Variants in SLC30A8 observed in about 807,000 individuals in gnomAD.
SLC30A8 encodes the protein solute carrier family 30 member 8, also known as proton-coupled zinc antiporter SLC30A8.
SLC30A8 carries 27 observed loss-of-function variants against 36.9 expected under a neutral mutation model. That is an observed-to-expected ratio of 0.73 (90% CI 0.54 to 1.01). SLC30A8 has a LOEUF of 1.01. Among genes scored for constraint, SLC30A8 ranks in the 50% least tolerant of loss-of-function variants. The pLI, the probability that SLC30A8 is intolerant of heterozygous loss-of-function variation, is 0.00. For synonymous variants in SLC30A8, 164 were observed against 172.4 expected, an observed-to-expected ratio of 0.95 and a Z score of 0.38; for missense variants, 439 against 452.0, an observed-to-expected ratio of 0.97 and a Z score of 0.26.
At chr8:117,037,138 T>G (rs753541587) in intron 1 of SLC30A8, among the ~76,000 whole-genome samples, 1 of 152,198 alleles carries the variant, frequency 6.6e-6, no homozygotes, top group Non-Finnish European at 1.5e-5. Context: ...AAAAAATAGA[T>G]TCTTTTTTGG....
chr8:117,163,191 T>C (rs1822882324), intron 5 of SLC30A8, among the ~76,000 whole-genome samples: 1 of 152,228 alleles, frequency 6.6e-6, no homozygotes, highest in South Asian at 2.1e-4. Context: ...TCTTAAATTA[T>C]GGGGAGAGCA....
At chr8:117,169,706 A>T (rs1018263373) in intron 6 of SLC30A8, among the ~76,000 whole-genome samples, 12 of 152,078 alleles carry the variant, frequency 7.9e-5, no homozygotes, top group African/African-American at 2.9e-4. Context: ...AATAGCGGCA[A>T]AAGGCAAAGG....
chr8:117,112,118 T>C (rs1215238775), intron 2 of SLC30A8, among the ~76,000 whole-genome samples: 1 of 152,144 alleles, frequency 6.6e-6, no homozygotes, highest in Non-Finnish European at 1.5e-5. Context: ...CCCCATTTCT[T>C]GAAAAATTTA....
At chr8:117,061,782 C>T (rs1481148128) in intron 2 of SLC30A8, among the ~76,000 whole-genome samples, 1 of 152,114 alleles carries the variant, frequency 6.6e-6, no homozygotes, top group Non-Finnish European at 1.5e-5. Flanking sequence ...CAGCAAATGG[C>T]ATTTTACTTA....
intron 1 of SLC30A8, among the ~76,000 whole-genome samples, chr8:116,980,446 T>G (rs139542745): frequency 6.4e-4 from 97 of 152,282 alleles, no homozygotes; most frequent in Middle Eastern, 3.4e-3. Flanking sequence ...CAGGAAGTTC[T>G]GGAGCAGAAA....
At chr8:117,093,082 A>C (rs1472817114) in intron 2 of SLC30A8, among the ~76,000 whole-genome samples, 1 of 152,032 alleles carries the variant, frequency 6.6e-6, no homozygotes, top group Non-Finnish European at 1.5e-5. Context: ...AAGGTCTTAA[A>C]AAAGAACAGG....
intron 1 of SLC30A8, among the ~76,000 whole-genome samples, chr8:117,001,646 G>A (rs2130686460): frequency 6.6e-6 from 1 of 152,208 alleles, no homozygotes; most frequent in South Asian, 2.1e-4. Flanking sequence ...TTGAAACTGG[G>A]CTAAGATTGT....
intron 1 of SLC30A8, among the ~76,000 whole-genome samples, chr8:116,999,041 C>T (rs1484306126): frequency 6.6e-6 from 1 of 152,170 alleles, no homozygotes; most frequent in Non-Finnish European, 1.5e-5. Context: ...GGCAGATCAC[C>T]TGAAGTCAGG....
chr8:117,129,434 A>C (rs1273831624), intron 2 of SLC30A8, among the ~76,000 whole-genome samples: 1 of 152,104 alleles, frequency 6.6e-6, no homozygotes, highest in Non-Finnish European at 1.5e-5. Flanking sequence ...CATCATTTTA[A>C]TCATAGAATT....
chr8:117,014,112 C>T (rs931920887), intron 1 of SLC30A8, among the ~76,000 whole-genome samples: 4 of 152,118 alleles, frequency 2.6e-5, no homozygotes, highest in African/African-American at 9.7e-5. Flanking sequence ...AATGGCAAAA[C>T]CGCAATTACT....
chr8:117,012,724 TAC>T (rs376889831), intron 1 of SLC30A8, among the ~76,000 whole-genome samples: 6,478 of 126,284 alleles, frequency 0.051, 431 homozygotes, highest in African/African-American at 0.17. Context: ...GACATATGTA[TAC>T]ACACACACAC....
At chr8:117,064,491 C>T (rs1818109604) in intron 2 of SLC30A8, among the ~76,000 whole-genome samples, 2 of 152,098 alleles carry the variant, frequency 1.3e-5, no homozygotes, top group African/African-American at 2.4e-5. Flanking sequence ...ACAATTCTGC[C>T]TAGGGATCAA....
chr8:117,108,581 A>G (rs1414133833), intron 2 of SLC30A8, among the ~76,000 whole-genome samples: 1 of 152,176 alleles, frequency 6.6e-6, no homozygotes, highest in African/African-American at 2.4e-5. Context: ...AAGATGAGAA[A>G]ACCATCATTA....
chr8:117,171,254 C>G (rs866516982), intron 7 of SLC30A8, 86 bp downstream of exon 7: 1 of 1,405,782 alleles, frequency 7.1e-7, no homozygotes, highest in Non-Finnish European at 1.0e-6. Context: ...TAGAGCTGCC[C>G]TTATTGTCTG....
intron 3 of SLC30A8, among the ~76,000 whole-genome samples, chr8:117,156,794 G>A (rs1367605075): frequency 1.3e-5 from 2 of 151,996 alleles, no homozygotes; most frequent in African/African-American, 2.4e-5. Flanking sequence ...CGTTATGAAG[G>A]TTGTCTGTAA....
intron 2 of SLC30A8, among the ~76,000 whole-genome samples, chr8:117,067,191 C>T (rs185585048): frequency 3.3e-5 from 5 of 152,204 alleles, no homozygotes; most frequent in Admixed American, 6.5e-5. Flanking sequence ...TTACCTCCCA[C>T]CAGGTCCCTC....
intron 2 of SLC30A8, among the ~76,000 whole-genome samples, chr8:117,150,944 C>G (rs1563628681): frequency 6.6e-6 from 1 of 151,328 alleles, no homozygotes; most frequent in African/African-American, 2.5e-5. Context: ...ATGCCACAGC[C>G]TTGCCTCAAA....
intron 1 of SLC30A8, among the ~76,000 whole-genome samples, chr8:117,145,459 A>C (rs1821854828): frequency 6.6e-6 from 1 of 152,042 alleles, no homozygotes; most frequent in African/African-American, 2.4e-5. Flanking sequence ...ATTGTCATCT[A>C]AGCCAAAACC....
At chr8:117,156,245 G>A (rs1822480493) in intron 3 of SLC30A8, among the ~76,000 whole-genome samples, 1 of 152,068 alleles carries the variant, frequency 6.6e-6, no homozygotes, top group East Asian at 1.9e-4. Flanking sequence ...GTTTCACCGT[G>A]TTGGCCAGAC....
Sources: allele counts gnomAD v4.1 joint callset (sites outside exome capture counted in the v4.1 genomes callset), GRCh38; gene constraint gnomAD v4.1.1; transcripts MANE v1.5; gene names NCBI Gene and HGNC (gene_info 2026-07-23, HGNC 2026-07-21).